TECTA: variants seen among roughly 807,000 people sequenced by gnomAD.
The protein encoded by TECTA is alpha-tectorin.
A neutral mutation model predicts 216.8 loss-of-function variants in TECTA; 128 were observed. That is an observed-to-expected ratio of 0.59 (90% CI 0.51 to 0.68). TECTA has a LOEUF of 0.68. Ranked by LOEUF, TECTA falls within the 30% of genes least tolerant of loss-of-function variation. TECTA has a pLI of 0.00. For synonymous variants in TECTA, 1,089 were observed against 1,117.1 expected (o/e 0.97, Z 0.50); for missense variants, 2,551 against 2,786.2 (o/e 0.92, Z 1.90).
At chr11:121,133,014 G>A (rs997263766) in intron 10 of TECTA, among the ~76,000 whole-genome samples, 2 of 152,218 alleles carry the variant, frequency 1.3e-5, no homozygotes, top group Non-Finnish European at 2.9e-5. Context: ...TTACAGGCGT[G>A]AGCCACCACG....
intron 16 of TECTA, among the ~76,000 whole-genome samples, chr11:121,164,504 C>A (rs1327631569): frequency 6.6e-6 from 1 of 152,134 alleles, no homozygotes; most frequent in African/African-American, 2.4e-5. Context: ...GGTTCTCAGA[C>A]CGAGGCGTTG....
At chr11:121,141,431 C>T (rs1463881132) in intron 11 of TECTA, among the ~76,000 whole-genome samples, 1 of 152,118 alleles carries the variant, frequency 6.6e-6, no homozygotes, top group Non-Finnish European at 1.5e-5. Context: ...TTGAGCAGCA[C>T]CACAGGACAT....
At position 121,168,865 on chromosome 11, in the gene TECTA, G is replaced by A. The variant is rs1947083109; in HGVS notation, c.5939G>A (p.Cys1980Tyr). The A allele has an allele frequency of 6.2e-7, 1 of 1,613,944 alleles. No homozygotes were observed. The highest frequency in any genetic ancestry group is 8.5e-7 in the Non-Finnish European group (1 of 1,180,022). Residue 1980 changes from cysteine (C) to tyrosine (Y), a missense_variant, in exon 20 of 24, where the codon TGC becomes TAC. Cys to Tyr is a radical substitution (Grantham distance 194, BLOSUM62 -2). This residue lies in a region of TECTA where 58 missense variants were observed against 105.9 expected (regional missense o/e 0.55). Coordinates refer to ENST00000392793, the MANE Select transcript of TECTA (RefSeq NM_005422.4). ...CATTTAATCCTAACACTCAACAAAT[G>A]CTATGCCACACCCACCCGAGATAGC... is the stretch of plus-strand genomic sequence containing the variant. ...ATHLILTLNK[C>Y]YATPTRDSND...
chr11:121,118,304 A>C lies in TECTA; in HGVS notation c.791-2A>C. On this transcript the variant is annotated splice_acceptor_variant, in intron 6 of 23. Transcript: ENST00000392793. LOFTEE classifies it high-confidence loss of function. ...GTTGGCTCTAATGTCATTATTCCCC[A>C]GGACAATTCCTTCGGCGAGGGGAGG... 6.2e-7 allele frequency: 1 copy of C among 1,614,174 alleles called. No homozygotes were observed. The highest frequency in any genetic ancestry group is 1.7e-5 in the Admixed American group (1 of 60,030).
chr11:121,160,278 C>CGA lies in TECTA; in HGVS notation c.4837_4838dup (p.Leu1614GlyfsTer17), dbSNP rs780917488. The CGA allele has an allele frequency of 1.2e-6, 2 of 1,613,968 alleles. No individual in the cohort carries two copies. Among genetic ancestry groups the CGA allele is most frequent in the Non-Finnish European group, 1.7e-6 (2 of 1,180,020 alleles). Reference sequence around the variant, plus strand: ...TCAACGTCATTAAAATCAGCATCAGCGAGAGGCTGCAGAACAAAGTGTGCG... The same window carrying CGA: ...TCAACGTCATTAAAATCAGCATCAGCGAGAGAGGCTGCAGAACAAAGTGTGCG... On this transcript the variant is annotated frameshift_variant, in exon 15 of 24. Transcript: ENST00000392793. LOFTEE classifies it high-confidence loss of function.
chr11:121,187,633 T>C (rs1947300565), intron 20 of TECTA, among the ~76,000 whole-genome samples, 199 bp from the exon 21 acceptor site: 1 of 152,206 alleles, frequency 6.6e-6, no homozygotes, highest in Non-Finnish European at 1.5e-5. Context: ...TGTTTGATGT[T>C]TCAAAACAAA....
rs752893365 is a variant in TECTA at position 121,160,298 on chromosome 11, T to C, written c.4853T>C (p.Val1618Ala). ...ATCAGCGAGAGGCTGCAGAACAAAG[T>C]GTGCGGTCTCTGTGGCAACTTCAAC... ...ISISERLQNKVCGLCGNFNGD... is the reference protein window; with the variant it reads ...ISISERLQNKACGLCGNFNGD... Residue 1618 changes from valine (V) to alanine (A), a missense_variant, in exon 15 of 24, where the codon GTG (valine) becomes GCG (alanine). Val to Ala is a moderately conservative substitution (Grantham distance 64). This residue lies in a region of TECTA where 2,375 missense variants were observed against 2,563.9 expected (regional missense o/e 0.93). Transcript: ENST00000392793. 3.1e-6 allele frequency: 5 copies of C among 1,614,032 alleles called. No individual in the cohort carries two copies. Among genetic ancestry groups the C allele is most frequent in the East Asian group, 4.5e-5 (2 of 44,894 alleles).
At chr11:121,150,643 A>ATTTTTTT in intron 12 of TECTA, among the ~76,000 whole-genome samples, 1 of 127,952 alleles carries the variant, frequency 7.8e-6, no homozygotes, top group African/African-American at 3.1e-5. Context: ...GCCTATTTTA[A>ATTTTTTT]TTTTTTTTTT....
At chr11:121,123,022 C>T (rs575650140) in intron 7 of TECTA, among the ~76,000 whole-genome samples, 9 of 152,316 alleles carry the variant, frequency 5.9e-5, no homozygotes, top group African/African-American at 1.7e-4. Context: ...GCGCCTGCCA[C>T]GGTAAATTTT....
intron 10 of TECTA, among the ~76,000 whole-genome samples, chr11:121,131,145 C>T (rs1013421547): frequency 3.8e-5 from 5 of 131,118 alleles, no homozygotes; most frequent in South Asian, 2.6e-4. Context: ...ACCTGGGCTG[C>T]GGAGCTTGCA....
At chr11:121,112,541 A>G (rs1012044717) in intron 4 of TECTA, among the ~76,000 whole-genome samples, 2 of 152,338 alleles carry the variant, frequency 1.3e-5, no homozygotes, top group Non-Finnish European at 2.9e-5. Context: ...TTTAAAAATC[A>G]CTTTCCCACT....
At chr11:121,181,398 C>A (rs1947227299) in intron 20 of TECTA, among the ~76,000 whole-genome samples, 1 of 151,594 alleles carries the variant, frequency 6.6e-6, no homozygotes, top group African/African-American at 2.4e-5. Context: ...ATATTGAATT[C>A]TTTCTCAGGT....
intron 11 of TECTA, among the ~76,000 whole-genome samples, chr11:121,143,724 T>A (rs1246947410): frequency 1.3e-5 from 2 of 152,138 alleles, no homozygotes; most frequent in Admixed American, 1.3e-4. Context: ...ATAGTTGAGT[T>A]TTGAAGGGTG....
intron 10 of TECTA, among the ~76,000 whole-genome samples, chr11:121,134,307 C>T (rs544144294): frequency 4.4e-5 from 6 of 135,726 alleles, no homozygotes; most frequent in South Asian, 2.4e-4. Flanking sequence ...TTTCAACAGA[C>T]GGAGCTGAAA....
rs552734175 is a variant in TECTA at position 121,165,131 on chromosome 11, G to A, written c.5273-142G>A. The A allele has an allele frequency of 1.4e-4, 107 of 787,790 alleles. No homozygotes were observed. In the African/African-American group the frequency reaches 1.7e-3, roughly 12 times the overall value. The allele number at this position is 787,790 out of a possible 1,614,324, so 48.8% of individuals were successfully genotyped here. Reference sequence around the variant, plus strand: ...TAGCTATTGACATTATTTTCTGGAAGGTTGCCCTGTCTGTTAACTGGCAGC... The same window carrying A: ...TAGCTATTGACATTATTTTCTGGAAAGTTGCCCTGTCTGTTAACTGGCAGC... On this transcript the variant is annotated intron_variant, in intron 16 of 23. Coordinates refer to ENST00000392793, the MANE Select transcript of TECTA (RefSeq NM_005422.4).
chr11:121,113,930 C>T lies in TECTA; in HGVS notation c.790+212C>T, dbSNP rs1946470927. The stretch of plus-strand genomic sequence containing the variant: ...TCACTACCTTGTGGCTTTGGAAGTC[C>T]TTTTCTGGAGTGTGCACACAGTTAT... On this transcript the variant is annotated intron_variant, in intron 6 of 23. Transcript: ENST00000392793. This position sits in a 1 kb window ranked among gnomAD's most constrained non-coding sequence, Gnocchi z 4.2. Among the ~76,000 whole-genome samples the T allele has an allele frequency of 1.3e-5, 2 of 152,166 alleles. No individual in the cohort carries two copies. The highest frequency in any genetic ancestry group is 1.3e-4 in the Admixed American group (2 of 15,276).
At chr11:121,171,312 G>C (rs1366977068) in intron 20 of TECTA, among the ~76,000 whole-genome samples, 2 of 152,124 alleles carry the variant, frequency 1.3e-5, no homozygotes, top group Non-Finnish European at 2.9e-5. Flanking sequence ...ATACCATGCT[G>C]TTTTGGCTAC....
intron 7 of TECTA, among the ~76,000 whole-genome samples, chr11:121,124,795 A>G (rs1946591178): frequency 6.6e-6 from 1 of 152,220 alleles, no homozygotes; most frequent in Non-Finnish European, 1.5e-5. Flanking sequence ...CTTGGAGAAT[A>G]CTACATCAGG....
chr11:121,168,019 G>C (rs747663855), intron 18 of TECTA, 35 bp from the exon 19 acceptor site: 2 of 1,613,092 alleles, frequency 1.2e-6, no homozygotes, highest in Admixed American at 3.3e-5. Context: ...CTCACTCCCA[G>C]ATGTAACGAT....
Sources: allele counts gnomAD v4.1 joint callset (sites outside exome capture counted in the v4.1 genomes callset), GRCh38; gene constraint gnomAD v4.1.1; regional missense constraint gnomAD v4.1.1; non-coding constraint Gnocchi (gnomAD v3.1); transcripts MANE v1.5; gene names NCBI Gene and HGNC (gene_info 2026-07-23, HGNC 2026-07-21).